The following NIM1K variants were observed in gnomAD, a reference collection of about 807,000 sequenced individuals.
NIM1K encodes NIM1 serine/threonine protein kinase, also known as serine/threonine-protein kinase NIM1.
Under a neutral mutation model 37.1 loss-of-function variants are expected in NIM1K, and 35 were observed. The ratio of observed to expected loss-of-function variants is 0.94; its 90% CI spans 0.72 to 1.25. The LOEUF (loss-of-function observed/expected upper bound fraction) is 1.25. Ranked by LOEUF, NIM1K falls within the 50% of genes most tolerant of loss-of-function variation. The pLI is 0.00. For missense variants in NIM1K, 564 were observed against 548.0 expected (o/e 1.03, Z -0.29); for synonymous variants, 234 against 206.6 (o/e 1.13, Z -1.14).
rs947635034 is a variant in NIM1K at position 43,241,011 on chromosome 5, T to C, written c.-694-4071T>C. On this transcript the variant is annotated intron_variant, in intron 1 of 3. Coordinates refer to ENST00000326035, the MANE Select transcript of NIM1K (RefSeq NM_153361.4). ...TAGAATTGTTGAAGCAAAGAACACA[T>C]ACACTTGTAATTAATAGTTACAGCC... is the stretch of plus-strand genomic sequence containing the variant. Among the ~76,000 whole-genome samples the C allele has an allele frequency of 6.6e-5, 10 of 151,994 alleles. 1 individual carries two copies. The highest frequency in any genetic ancestry group is 5.9e-4 in the Admixed American group (9 of 15,276).
chr5:43,238,209 A>G lies in NIM1K; in HGVS notation c.-694-6873A>G, dbSNP rs1475429058. On this transcript the variant is annotated intron_variant, in intron 1 of 3. Coordinates refer to ENST00000326035, the MANE Select transcript of NIM1K (RefSeq NM_153361.4). ...AGGCGCCCGCCACCACGCCCGGCTA[A>G]TTTTTTGTATTTTTAGTAGAGATGG... is the stretch of plus-strand genomic sequence containing the variant. 2.0e-5 allele frequency among the ~76,000 whole-genome samples: 3 copies of G among 151,690 alleles called. No homozygotes were observed. The East Asian group carries it at 5.8e-4, about 29-fold the overall frequency.
chr5:43,279,629 C>T (rs1753406951), intron 3 of NIM1K, among the ~76,000 whole-genome samples: 1 of 152,172 alleles, frequency 6.6e-6, no homozygotes, highest in Non-Finnish European at 1.5e-5. Context: ...GATCCATCAG[C>T]CAGAAAAACC....
In NIM1K at chr5:43,192,430, G is replaced by A. The variant is rs142717525; in HGVS notation, c.-695+19G>A. On this transcript the variant is annotated intron_variant, in intron 1 of 3. Coordinates refer to ENST00000326035, the MANE Select transcript of NIM1K (RefSeq NM_153361.4). The stretch of plus-strand genomic sequence containing the variant: ...CACGAAGGTAAGCGAGGGGCTGGGG[G>A]ACTCGCCGCCAGCACCCCCACCCCG... 6.6e-5 allele frequency: 10 copies of A among 152,448 alleles called. No homozygotes were observed. The highest frequency in any genetic ancestry group is 2.4e-4 in the African/African-American group (10 of 41,592). 9.4% of individuals were successfully genotyped at this position (152,448 alleles called of 1,614,324 possible).
intron 1 of NIM1K, among the ~76,000 whole-genome samples, chr5:43,214,906 C>T (rs1488651984): frequency 6.6e-6 from 1 of 151,784 alleles, no homozygotes; most frequent in Non-Finnish European, 1.5e-5. Context: ...TATCTTCACA[C>T]TTATAATTAA....
chr5:43,225,307 A>C (rs1752439692), intron 1 of NIM1K, among the ~76,000 whole-genome samples: 1 of 148,598 alleles, frequency 6.7e-6, no homozygotes, highest in African/African-American at 2.5e-5. Flanking sequence ...TACATAGCTC[A>C]AAAAGGTGTG....
chr5:43,207,503 GT>G, intron 1 of NIM1K: 1 of 730,028 alleles, frequency 1.4e-6, no homozygotes, highest in Non-Finnish European at 2.6e-6. Context: ...ATTTTATTAT[GT>G]GATTAATGAT....
intron 1 of NIM1K, among the ~76,000 whole-genome samples, chr5:43,235,898 A>G (rs559346137): frequency 1.4e-4 from 21 of 152,048 alleles, no homozygotes; most frequent in Non-Finnish European, 1.9e-4. Flanking sequence ...GAGCCTGGAA[A>G]TGGCCAACCT....
At chr5:43,193,236 G>A (rs1000036100) in intron 1 of NIM1K, 2 of 152,040 alleles carry the variant, frequency 1.3e-5, no homozygotes, top group African/African-American at 4.8e-5. Flanking sequence ...GATAACATGG[G>A]CAGCAAAGAT....
intron 1 of NIM1K, among the ~76,000 whole-genome samples, chr5:43,214,656 A>G (rs1412881259): frequency 6.6e-6 from 1 of 151,940 alleles, no homozygotes; most frequent in African/African-American, 2.4e-5. Flanking sequence ...TCTACTAAAA[A>G]TACAAAAAAA....
Position 43,245,761 on chromosome 5 carries a change from G to A in NIM1K, c.-15G>A. Reference sequence around the variant, plus strand: ...TGCCTCTTCGCTGAGATGGAGACGTGAGCCCCCGTGGACGATGACTGCAGT... The same window carrying A: ...TGCCTCTTCGCTGAGATGGAGACGTAAGCCCCCGTGGACGATGACTGCAGT... On this transcript the variant is annotated 5_prime_UTR_variant, in exon 2 of 4. It removes the in-frame stop codon of an upstream open reading frame in the 5' UTR. Transcript: ENST00000326035. 2 of 1,558,710 alleles carry A rather than the reference G, an allele frequency of 1.3e-6. No homozygotes were observed. The highest frequency in any genetic ancestry group is 1.8e-5 in the Admixed American group (1 of 55,760).
chr5:43,232,123 AG>A (rs1752548279), intron 1 of NIM1K: 5 of 1,039,414 alleles, frequency 4.8e-6, no homozygotes, highest in East Asian at 3.3e-5. Flanking sequence ...CCTTGAAGCC[AG>A]GGGGCACCAA....
chr5:43,242,302 G>A (rs1159466062), intron 1 of NIM1K, among the ~76,000 whole-genome samples: 1 of 151,920 alleles, frequency 6.6e-6, no homozygotes, highest in African/African-American at 2.4e-5. Flanking sequence ...ATAGAGCTCA[G>A]GATATAGACC....
chr5:43,235,592 G>A lies in NIM1K; in HGVS notation c.-694-9490G>A, dbSNP rs6875245. On this transcript the variant is annotated intron_variant, in intron 1 of 3. Transcript: ENST00000326035. The stretch of plus-strand genomic sequence containing the variant: ...TCCTGTTGGGACCTAAATTCTTACA[G>A]ATATTTGACAGCTTTGTCCACCTCT... Among the ~76,000 whole-genome samples, 801 of 152,274 alleles carry A rather than the reference G, an allele frequency of 5.3e-3. 2 individuals carry two copies. Among genetic ancestry groups the A allele is most frequent in the African/African-American group, 0.019 (770 of 41,540 alleles).
chr5:43,247,967 A>G (rs1285163397), intron 2 of NIM1K, among the ~76,000 whole-genome samples: 1 of 152,228 alleles, frequency 6.6e-6, no homozygotes, highest in African/African-American at 2.4e-5. Flanking sequence ...CTCAAGGATA[A>G]GGGAAGAGAA....
At chr5:43,233,162 G>T in intron 1 of NIM1K, 1 of 1,288,450 alleles carries the variant, frequency 7.8e-7, no homozygotes, top group Non-Finnish European at 1.1e-6. Flanking sequence ...AGATGGAGAT[G>T]CGGTCACGCA....
chr5:43,242,805 C>CA, intron 1 of NIM1K: 1 of 141,274 alleles, frequency 7.1e-6, no homozygotes, highest in East Asian at 2.0e-4. Flanking sequence ...CCACCTGGTG[C>CA]TTTTTTTTTT....
chr5:43,262,986 T>G (rs1434409914), intron 2 of NIM1K, among the ~76,000 whole-genome samples: 2 of 152,202 alleles, frequency 1.3e-5, no homozygotes, highest in Non-Finnish European at 2.9e-5. Context: ...GGATAAGCTT[T>G]TTGATGTGCT....
chr5:43,233,505 T>C (rs1173473158), intron 1 of NIM1K, among the ~76,000 whole-genome samples: 1 of 152,216 alleles, frequency 6.6e-6, no homozygotes, highest in African/African-American at 2.4e-5. Context: ...TTTATGGTGA[T>C]AAAACTAGGA....
At chr5:43,247,828 A>C (rs1417243424) in intron 2 of NIM1K, among the ~76,000 whole-genome samples, 1 of 152,248 alleles carries the variant, frequency 6.6e-6, no homozygotes. Context: ...TCAGGTTTCC[A>C]TGCTACGTTT....
Sources: gnomAD v4.1 joint callset for allele counts (sites outside exome capture counted in the v4.1 genomes callset) on GRCh38, gnomAD v4.1.1 for gene constraint, MANE v1.5 for transcripts, NCBI Gene and HGNC (gene_info 2026-07-23, HGNC 2026-07-21) for gene names.